Variants in ASB18 observed in about 807,000 individuals in gnomAD.
ASB18 encodes the protein ankyrin repeat and SOCS box protein 18.
A neutral mutation model predicts 33.4 loss-of-function variants in ASB18; 33 were observed. The ratio of observed to expected loss-of-function variants is 0.99; its 90% CI spans 0.75 to 1.32. The LOEUF is 1.32. Ranked by LOEUF, ASB18 falls within the 40% of genes most tolerant of loss-of-function variation. The probability of loss-of-function intolerance (pLI) is 0.00; values close to 1 mark genes in which losing one functional copy is unlikely to be tolerated. For synonymous variants in ASB18, 295 were observed against 307.6 expected (o/e 0.96, Z 0.43); for missense variants, 694 against 655.5 (o/e 1.06, Z -0.64).
intron 4 of ASB18, among the ~76,000 whole-genome samples, chr2:236,206,668 A>G (rs1304461145): frequency 6.6e-6 from 1 of 152,370 alleles, no homozygotes; most frequent in East Asian, 1.9e-4. Flanking sequence ...AACCACCTGT[A>G]TCAGAGTCCA....
chr2:236,198,556 CAG>C (rs1364320857), intron 4 of ASB18, among the ~76,000 whole-genome samples: 2 of 152,086 alleles, frequency 1.3e-5, no homozygotes, highest in Non-Finnish European at 2.9e-5. Context: ...TTATTAGAGA[CAG>C]AGTTTCACCA....
chr2:236,209,544 G>A lies in ASB18; in HGVS notation c.1101+4818C>T, dbSNP rs898899818. ...CTCCCAGAGTGCTAGGATTATAGGC[G>A]TGAGCTATTGCCTCTGGCCTAGAAT... On this transcript the variant is annotated intron_variant, in intron 4 of 5. Coordinates refer to ENST00000409749, the MANE Select transcript of ASB18 (RefSeq NM_212556.4). The surrounding 1 kb of genome is among the most constrained non-coding windows in gnomAD (Gnocchi z 4.4). 7.2e-5 allele frequency among the ~76,000 whole-genome samples: 11 copies of A among 152,158 alleles called. No homozygotes were observed. The highest frequency in any genetic ancestry group is 1.9e-4 in the African/African-American group (8 of 41,450).
intron 1 of ASB18, among the ~76,000 whole-genome samples, chr2:236,261,446 G>A (rs1034135797): frequency 2.0e-5 from 3 of 152,118 alleles, no homozygotes; most frequent in African/African-American, 7.2e-5. Context: ...TACCCCAAAT[G>A]AACGTCTGAC....
intron 4 of ASB18, among the ~76,000 whole-genome samples, chr2:236,199,779 A>G (rs1166257313): frequency 3.5e-5 from 5 of 140,888 alleles, no homozygotes; most frequent in Non-Finnish European, 8.0e-5. Flanking sequence ...ACTATCTGAT[A>G]AAATTTGTTT....
At position 236,194,935 on chromosome 2, in the gene ASB18, CA is replaced by C. The variant is rs746799805; in HGVS notation, c.1337del (p.Leu446ArgfsTer98). ...FGKRCFDLIP[L>X]LPLPKPLQNY... ...TCTGCAGGGGCTTTGGCAAGGGTAA[CA>C]GGGGGATGAGGTCAAAGCACCTTTT... On this transcript the variant is annotated frameshift_variant, in exon 6 of 6. Transcript: ENST00000409749. LOFTEE classifies it high-confidence loss of function. This position sits in a 1 kb window ranked among gnomAD's most constrained non-coding sequence, Gnocchi z 4.5. 3 of 1,613,836 alleles carry C rather than the reference CA, an allele frequency of 1.9e-6. No individual in the cohort carries two copies. Among genetic ancestry groups the C allele is most frequent in the Non-Finnish European group, 2.5e-6 (3 of 1,179,842 alleles).
rs1252938996 is a variant in ASB18, at chr2:236,221,589, C to T, written c.597-6723G>A. Among the ~76,000 whole-genome samples the T allele has an allele frequency of 6.6e-6, 1 of 152,182 alleles. No individual in the cohort carries two copies. Among genetic ancestry groups the T allele is most frequent in the Non-Finnish European group, 1.5e-5 (1 of 68,034 alleles). On this transcript the variant is annotated intron_variant, in intron 3 of 5. Coordinates refer to ENST00000409749, the MANE Select transcript of ASB18 (RefSeq NM_212556.4). The surrounding 1 kb of genome is among the most constrained non-coding windows in gnomAD (Gnocchi z 5.6). ...GCTGCTGCCTTTCACCTTCCACCTCCCCAGCCACATGGAACAGTAAGTCCA... is the reference window on the plus strand; with the variant it reads ...GCTGCTGCCTTTCACCTTCCACCTCTCCAGCCACATGGAACAGTAAGTCCA...
At chr2:236,224,197 T>G (rs2060526579) in intron 3 of ASB18, among the ~76,000 whole-genome samples, 1 of 148,026 alleles carries the variant, frequency 6.8e-6, no homozygotes, top group Admixed American at 6.7e-5. Context: ...TTTTTTTTTT[T>G]TTTTTTTTTT....
rs181947587 is a variant in ASB18, at chr2:236,244,499, A to T, written c.206-3097T>A. Among the ~76,000 whole-genome samples, 105 of 152,316 alleles carry T rather than the reference A, an allele frequency of 6.9e-4. No individual in the cohort carries two copies. Among genetic ancestry groups the T allele is most frequent in the Non-Finnish European group, 1.2e-3 (81 of 68,030 alleles). On this transcript the variant is annotated intron_variant, in intron 1 of 5. Transcript: ENST00000409749. This position sits in a 1 kb window ranked among gnomAD's most constrained non-coding sequence, Gnocchi z 6.1. ...AAACAGATGTGAAATCAAGGAATAG[A>T]GCTCACTGGGCTGTGCATCCTTGGT...
Position 236,234,613 on chromosome 2 carries a change from C to T in ASB18, c.596+3076G>A, listed in dbSNP as rs562388444. Among the ~76,000 whole-genome samples the T allele has an allele frequency of 2.2e-4, 34 of 152,300 alleles. No individual in the cohort carries two copies. The highest frequency in any genetic ancestry group is 4.7e-4 in the Non-Finnish European group (32 of 68,034). On this transcript the variant is annotated intron_variant, in intron 3 of 5. Transcript: ENST00000409749. This position sits in a 1 kb window ranked among gnomAD's most constrained non-coding sequence, Gnocchi z 4.1. ...ACAAGAGAGCTCAGAAATAAACTCA[C>T]GCATATATAGTCCATTCATTTTTGA...
rs1344346547 is a variant in ASB18 at position 236,220,170 on chromosome 2, G to T, written c.597-5304C>A. 6.6e-6 allele frequency among the ~76,000 whole-genome samples: 1 copy of T among 152,180 alleles called. No individual in the cohort carries two copies. Among genetic ancestry groups the T allele is most frequent in the Non-Finnish European group, 1.5e-5 (1 of 68,038 alleles). ...ATGTCATTCCAATTCATGTCTATGG[G>T]GTGGGGGGATGTGGGACTTTGGCCA... is the stretch of plus-strand genomic sequence containing the variant. On this transcript the variant is annotated intron_variant, in intron 3 of 5. Transcript: ENST00000409749. This position sits in a 1 kb window ranked among gnomAD's most constrained non-coding sequence, Gnocchi z 5.1.
Position 236,237,404 on chromosome 2 carries a change from CGCGGGGCG to C in ASB18, c.596+277_596+284del, listed in dbSNP as rs2060598964. Among the ~76,000 whole-genome samples, 1 of 96,152 alleles carries C rather than the reference CGCGGGGCG, an allele frequency of 1.0e-5. No individual in the cohort carries two copies. Among genetic ancestry groups the C allele is most frequent in the South Asian group, 3.0e-4 (1 of 3,340 alleles). 63.1% of individuals were successfully genotyped at this position (96,152 alleles called of 152,430 possible). A position where few individuals can be genotyped will look rare whatever the true frequency, so the allele number is the denominator to read the frequency against. On this transcript the variant is annotated intron_variant, in intron 3 of 5. Transcript: ENST00000409749. The surrounding 1 kb of genome is among the most constrained non-coding windows in gnomAD (Gnocchi z 6.2). ...CGCGGGGCGGGGGCCGGGGCCGGGG[CGCGGGGCG>C]GGGGCCGGGGCCGGGGCGCGGGGCG...
In ASB18 at chr2:236,216,120, C is replaced by T. The variant is rs529576356; in HGVS notation, c.597-1254G>A. ...CAAGCCGGAGTCCATTCTTCACCCC[C>T]CTCCTTTTCTCTGCGGGTCTGCCGA... On this transcript the variant is annotated intron_variant, in intron 3 of 5. Transcript: ENST00000409749. This position sits in a 1 kb window ranked among gnomAD's most constrained non-coding sequence, Gnocchi z 6.1. Among the ~76,000 whole-genome samples, 1 of 152,312 alleles carries T rather than the reference C, an allele frequency of 6.6e-6. No individual in the cohort carries two copies. The highest frequency in any genetic ancestry group is 6.5e-5 in the Admixed American group (1 of 15,308).
chr2:236,217,424 A>AAAAAAAAAAAT lies in ASB18; in HGVS notation c.597-2559_597-2558insATTTTTTTTTT, dbSNP rs1553600511. Among the ~76,000 whole-genome samples, 143 of 150,394 alleles carry AAAAAAAAAAAT rather than the reference A, an allele frequency of 9.5e-4. No individual in the cohort carries two copies. Among genetic ancestry groups the AAAAAAAAAAAT allele is most frequent in the African/African-American group, 2.9e-3 (118 of 40,506 alleles). On this transcript the variant is annotated intron_variant, in intron 3 of 5. Transcript: ENST00000409749. This position sits in a 1 kb window ranked among gnomAD's most constrained non-coding sequence, Gnocchi z 5.2. ...CGAGACTCTGTCTCAAAAAAAAAAA[A>AAAAAAAAAAAT]AAATAAATCTTGGCACCTTCAACTC...
In ASB18 at chr2:236,222,172, C is replaced by T. The variant is rs531078154; in HGVS notation, c.597-7306G>A. On this transcript the variant is annotated intron_variant, in intron 3 of 5. Transcript: ENST00000409749. The surrounding 1 kb of genome is among the most constrained non-coding windows in gnomAD (Gnocchi z 5.5). ...TATTTCCCTGGACCTTCTGCTGAGGCTTTCCTTTGGGGATCTTCCATCTAC... is the reference window on the plus strand; with the variant it reads ...TATTTCCCTGGACCTTCTGCTGAGGTTTTCCTTTGGGGATCTTCCATCTAC... Among the ~76,000 whole-genome samples, 5 of 152,312 alleles carry T rather than the reference C, an allele frequency of 3.3e-5. No homozygotes were observed. The highest frequency in any genetic ancestry group is 1.2e-4 in the African/African-American group (5 of 41,564).
chr2:236,251,155 G>T lies in ASB18; in HGVS notation c.206-9753C>A, dbSNP rs775630006. On this transcript the variant is annotated intron_variant, in intron 1 of 5. Transcript: ENST00000409749. The surrounding 1 kb of genome is among the most constrained non-coding windows in gnomAD (Gnocchi z 5.3). ...TAATGTGATCTTATCCAAAGGTCAA[G>T]TGCCGCTTTCATTGGCAGCCCAGGA... Among the ~76,000 whole-genome samples, 7 of 152,226 alleles carry T rather than the reference G, an allele frequency of 4.6e-5. No homozygotes were observed. Among genetic ancestry groups the T allele is most frequent in the Non-Finnish European group, 1.0e-4 (7 of 68,036 alleles).
chr2:236,242,173 T>C (rs1363629927), intron 1 of ASB18, among the ~76,000 whole-genome samples: 1 of 152,216 alleles, frequency 6.6e-6, no homozygotes, highest in African/African-American at 2.4e-5. Flanking sequence ...AGTTAGCAGC[T>C]GTGCTATGAT....
At chr2:236,233,565 G>A (rs1447264055) in intron 3 of ASB18, among the ~76,000 whole-genome samples, 1 of 152,090 alleles carries the variant, frequency 6.6e-6, no homozygotes, top group East Asian at 1.9e-4. Context: ...GTTTAGAAGG[G>A]TTATAGGATA....
chr2:236,213,186 CA>C lies in ASB18; in HGVS notation c.1101+1175del, dbSNP rs36115317. Among the ~76,000 whole-genome samples the C allele has an allele frequency of 0.17, 25,191 of 151,990 alleles. 2,160 individuals are homozygous for C. Among genetic ancestry groups the C allele is most frequent in the East Asian group, 0.26 (1,328 of 5,154 alleles). ...AAATCATTGCCTTAGTGGAGCACCA[CA>C]AGACAATTACCCAAAGAGGGGGTGA... On this transcript the variant is annotated intron_variant, in intron 4 of 5. Coordinates refer to ENST00000409749, the MANE Select transcript of ASB18 (RefSeq NM_212556.4). The surrounding 1 kb of genome is among the most constrained non-coding windows in gnomAD (Gnocchi z 4.8).
Position 236,194,858 on chromosome 2 carries a change from C to G in ASB18, c.*14G>C, listed in dbSNP as rs546123356. On this transcript the variant is annotated 3_prime_UTR_variant, in exon 6 of 6. Coordinates refer to ENST00000409749, the MANE Select transcript of ASB18 (RefSeq NM_212556.4). The surrounding 1 kb of genome is among the most constrained non-coding windows in gnomAD (Gnocchi z 4.5). The stretch of plus-strand genomic sequence containing the variant: ...GCGAGGAGAACAACAGTATTGGTTG[C>G]AGCGTTCTGCGTTTCAGTGCAAAAC... 1.9e-6 allele frequency: 3 copies of G among 1,607,486 alleles called. No individual in the cohort carries two copies. The East Asian group carries it at 6.7e-5, about 36-fold the overall frequency.
Sources: allele counts gnomAD v4.1 joint callset (sites outside exome capture counted in the v4.1 genomes callset), GRCh38; gene constraint gnomAD v4.1.1; non-coding constraint Gnocchi (gnomAD v3.1); transcripts MANE v1.5; gene names NCBI Gene and HGNC (gene_info 2026-07-23, HGNC 2026-07-21).